Variants in RNF6 observed in about 807,000 individuals in gnomAD.
RNF6 encodes E3 ubiquitin-protein ligase RNF6.
RNF6 carries 21 observed loss-of-function variants against 50.1 expected under a neutral mutation model. The observed-to-expected ratio is 0.42, with a 90% CI of 0.30 to 0.60. The LOEUF (loss-of-function observed/expected upper bound fraction) is 0.60, where lower values mean the gene tolerates loss of function less well. Among genes scored for constraint, RNF6 ranks in the 20% least tolerant of loss-of-function variants. The pLI is 0.20. For missense variants in RNF6, 698 were observed against 838.2 expected (o/e 0.83, Z 2.07); for synonymous variants, 255 against 291.8 (o/e 0.87, Z 1.29).
At chr13:26,212,698 G>A (rs1189020402), downstream of RNF6, 1 of 149,288 alleles carries the variant, frequency 6.7e-6, no homozygotes, top group Non-Finnish European at 1.5e-5. Flanking sequence ...AACACTGCCT[G>A]GCATCTAGTA....
At chr13:26,180,410 A>G (rs954135421) in intron 5 of RNF6, among the ~76,000 whole-genome samples, 2 of 152,052 alleles carry the variant, frequency 1.3e-5, no homozygotes, top group Non-Finnish European at 2.9e-5. Flanking sequence ...AAAATTCCAA[A>G]ACAGCAGGCC....
upstream of RNF6, chr13:26,222,324 G>A (rs1387073678): frequency 6.6e-6 from 1 of 152,286 alleles, no homozygotes; most frequent in Non-Finnish European, 1.5e-5. Context: ...TGAAAACTGC[G>A]TCCGTCGGGA....
chr13:26,149,880 A>G lies in RNF6; in HGVS notation n.769-17429T>C, dbSNP rs538925446. 7.8e-4 allele frequency among the ~76,000 whole-genome samples: 83 copies of G among 106,024 alleles called. 6 individuals carry two copies. Among genetic ancestry groups the G allele is most frequent in the African/African-American group, 3.0e-3 (80 of 26,984 alleles). 69.6% of individuals were successfully genotyped at this position (106,024 alleles called of 152,430 possible). A position where few individuals can be genotyped will look rare whatever the true frequency, so the allele number is the denominator to read the frequency against. On this transcript the variant is annotated intron_variant and non_coding_transcript_variant, in intron 5 of 5. Coordinates refer to the RNF6 transcript ENST00000468480. ...ATATAATGTGTGTGTGTATATATAT[A>G]TATATATATATATACACACACACAG...
chr13:26,167,372 C>T (rs914057011), intron 5 of RNF6, among the ~76,000 whole-genome samples: 2 of 152,002 alleles, frequency 1.3e-5, no homozygotes, highest in Non-Finnish European at 2.9e-5. Flanking sequence ...ACAAACAACC[C>T]CATTAAAAAG....
chr13:26,167,936 AAC>A (rs1446034539), intron 5 of RNF6, among the ~76,000 whole-genome samples: 2 of 152,250 alleles, frequency 1.3e-5, no homozygotes, highest in African/African-American at 4.8e-5. Context: ...TTAGCAAACT[AAC>A]ACAGGAACAG....
intron 5 of RNF6, among the ~76,000 whole-genome samples, chr13:26,179,112 A>G (rs1318018984): frequency 6.6e-6 from 1 of 152,206 alleles, no homozygotes; most frequent in African/African-American, 2.4e-5. Flanking sequence ...AGTTTCTGCT[A>G]AAGTTCCTAG....
chr13:26,140,803 G>A (rs773207173), intron 5 of RNF6, among the ~76,000 whole-genome samples: 3 of 152,166 alleles, frequency 2.0e-5, no homozygotes, highest in Non-Finnish European at 4.4e-5. Flanking sequence ...CAAAATCAGT[G>A]TATGAAAATC....
chr13:26,219,373 A>C (rs1199544600), intron 3 of RNF6, 84 bp downstream of exon 3: 4 of 1,175,232 alleles, frequency 3.4e-6, no homozygotes, highest in African/African-American at 3.1e-5. Flanking sequence ...GAAGCAAGGA[A>C]AAAGAATACC....
At chr13:26,157,988 T>TAGAC (rs890161851) in intron 5 of RNF6, among the ~76,000 whole-genome samples, 7 of 149,172 alleles carry the variant, frequency 4.7e-5, no homozygotes, top group African/African-American at 1.5e-4. Flanking sequence ...GATAGATAGA[T>TAGAC]AGATAGATAG....
At chr13:26,132,837 T>C (rs1390069348) in intron 5 of RNF6, among the ~76,000 whole-genome samples, 1 of 152,236 alleles carries the variant, frequency 6.6e-6, no homozygotes, top group Non-Finnish European at 1.5e-5. Flanking sequence ...CCAAACTTTT[T>C]GCAGGCATCA....
At chr13:26,187,402 G>A (rs17071948) in intron 5 of RNF6, among the ~76,000 whole-genome samples, 35,541 of 152,158 alleles carry the variant, frequency 0.23, 6,238 homozygotes, top group African/African-American at 0.49. Context: ...ATGTCAGCCC[G>A]TGAGCTCTGG....
chr13:26,168,561 C>T (rs994663172), intron 5 of RNF6, among the ~76,000 whole-genome samples: 2 of 152,148 alleles, frequency 1.3e-5, no homozygotes, highest in Non-Finnish European at 2.9e-5. Flanking sequence ...AATGTTCTTA[C>T]AGGGGTTGTT....
At chr13:26,181,259 C>T (rs956585676) in intron 5 of RNF6, among the ~76,000 whole-genome samples, 5 of 152,142 alleles carry the variant, frequency 3.3e-5, no homozygotes, top group Admixed American at 1.3e-4. Flanking sequence ...ATGGCCTGAA[C>T]TGCAGAGCAC....
intron 5 of RNF6, among the ~76,000 whole-genome samples, chr13:26,142,605 G>A (rs1871017236): frequency 1.3e-5 from 2 of 152,142 alleles, no homozygotes; most frequent in African/African-American, 4.8e-5. Context: ...ATTATCCTAA[G>A]CAAATTAATG....
At chr13:26,206,240 C>A (rs1869103665) in intron 5 of RNF6, among the ~76,000 whole-genome samples, 1 of 151,566 alleles carries the variant, frequency 6.6e-6, no homozygotes, top group Non-Finnish European at 1.5e-5. Flanking sequence ...GGGGAGCCAG[C>A]AGAGGAAGTA....
At chr13:26,133,892 T>C (rs1294478097) in intron 5 of RNF6, among the ~76,000 whole-genome samples, 1 of 152,224 alleles carries the variant, frequency 6.6e-6, no homozygotes, top group East Asian at 1.9e-4. Context: ...TGGTTTTTGA[T>C]ATATATGACG....
At chr13:26,212,650 G>A (rs1438077900), downstream of RNF6, 1 of 150,906 alleles carries the variant, frequency 6.6e-6, no homozygotes, top group Non-Finnish European at 1.5e-5. Context: ...ATGAAGCCAG[G>A]GACTTTTGTC....
At chr13:26,167,356 G>T (rs1319958515) in intron 5 of RNF6, among the ~76,000 whole-genome samples, 1 of 151,992 alleles carries the variant, frequency 6.6e-6, no homozygotes, top group East Asian at 1.9e-4. Context: ...AAATTTACAA[G>T]AAAAAACAAA....
chr13:26,186,381 T>C (rs1593174871), intron 5 of RNF6, among the ~76,000 whole-genome samples: 1 of 152,338 alleles, frequency 6.6e-6, no homozygotes, highest in East Asian at 1.9e-4. Context: ...TGCAAGGCTG[T>C]CCCGCGGCAG....
Sources: gnomAD v4.1 joint callset for allele counts (sites outside exome capture counted in the v4.1 genomes callset) on GRCh38, gnomAD v4.1.1 for gene constraint, MANE v1.5 for transcripts, NCBI Gene and HGNC (gene_info 2026-07-23, HGNC 2026-07-21) for gene names.